Variants in TTLL7 observed in about 807,000 individuals in gnomAD.
TTLL7 encodes tubulin polyglutamylase TTLL7.
TTLL7 carries 53 observed loss-of-function variants against 120.2 expected under a neutral mutation model. That is an observed-to-expected ratio of 0.44 (90% CI 0.35 to 0.55). The LOEUF (loss-of-function observed/expected upper bound fraction) is 0.55. Among genes scored for constraint, TTLL7 ranks in the 20% least tolerant of loss-of-function variants. The pLI is 0.00. For synonymous variants in TTLL7, 353 were observed against 351.7 expected (o/e 1.00, Z -0.04); for missense variants, 803 against 1,054.7 (o/e 0.76, Z 3.31).
chr1:83,971,200 T>C (rs1385167572), intron 1 of TTLL7, among the ~76,000 whole-genome samples: 3 of 152,082 alleles, frequency 2.0e-5, no homozygotes, highest in Non-Finnish European at 4.4e-5. Context: ...CCCTAAATTA[T>C]ATTATTTGTG....
intron 9 of TTLL7, among the ~76,000 whole-genome samples, chr1:83,931,855 C>T (rs1028748135): frequency 6.6e-6 from 1 of 152,174 alleles, no homozygotes; most frequent in Non-Finnish European, 1.5e-5. Flanking sequence ...CCTTATTCCA[C>T]TTGATGGCGC....
intron 18 of TTLL7, among the ~76,000 whole-genome samples, chr1:83,897,875 A>AAAC (rs1447227335): frequency 1.2e-3 from 187 of 151,620 alleles, no homozygotes; most frequent in African/African-American, 4.4e-3. Flanking sequence ...TAAAAAAAAA[A>AAAC]AAAAAAAAAA....
intron 1 of TTLL7, among the ~76,000 whole-genome samples, chr1:83,986,907 G>A (rs1440268423): frequency 1.3e-5 from 2 of 152,098 alleles, no homozygotes; most frequent in Non-Finnish European, 2.9e-5. Context: ...ACATAGTACA[G>A]GAAGTTCCAG....
chr1:83,919,129 A>G (rs577457332), intron 13 of TTLL7, among the ~76,000 whole-genome samples: 119 of 152,120 alleles, frequency 7.8e-4, no homozygotes, highest in South Asian at 1.5e-3. Context: ...GATTCACCCC[A>G]GGAAAGACAA....
intron 19 of TTLL7, among the ~76,000 whole-genome samples, chr1:83,886,081 T>C (rs1654948368): frequency 6.6e-6 from 1 of 152,074 alleles, no homozygotes; most frequent in Non-Finnish European, 1.5e-5. Context: ...GAATACTGAA[T>C]ATCTCTGGCA....
At chr1:83,931,801 T>C (rs1212154518) in intron 9 of TTLL7, among the ~76,000 whole-genome samples, 1 of 152,172 alleles carries the variant, frequency 6.6e-6, no homozygotes, top group Non-Finnish European at 1.5e-5. Context: ...CCTGAAATTA[T>C]TCTGGTTAAC....
At chr1:83,886,495 C>T (rs1353338131) in intron 19 of TTLL7, among the ~76,000 whole-genome samples, 1 of 152,012 alleles carries the variant, frequency 6.6e-6, no homozygotes, top group Non-Finnish European at 1.5e-5. Flanking sequence ...AGATTCACAT[C>T]ATTTTAAGTA....
chr1:83,922,694 CTAGGTT>C (rs1658785367), intron 10 of TTLL7, among the ~76,000 whole-genome samples: 1 of 139,822 alleles, frequency 7.2e-6, no homozygotes, highest in Non-Finnish European at 1.6e-5. Flanking sequence ...GACTTGAATA[CTAGGTT>C]ATTGAGCCTC....
At chr1:83,986,003 C>G (rs913045461) in intron 1 of TTLL7, among the ~76,000 whole-genome samples, 2 of 152,144 alleles carry the variant, frequency 1.3e-5, no homozygotes, top group African/African-American at 4.8e-5. Flanking sequence ...GAATTAACAC[C>G]ATTTTTAAAC....
chr1:83,951,965 G>A lies in TTLL7; in HGVS notation c.37C>T (p.Pro13Ser), dbSNP rs1221488645. 3.1e-6 allele frequency: 5 copies of A among 1,604,312 alleles called. No homozygotes were observed. The highest frequency in any genetic ancestry group is 2.2e-5 in the East Asian group (1 of 44,738). The change falls in exon 3 of 21, where the codon CCC becomes TCC. Residue 13 changes from proline (P) to serine (S), a missense_variant. Coordinates refer to ENST00000260505, the MANE Select transcript of TTLL7 (RefSeq NM_024686.6). ...TCTGTATTCAAATCCAGGGGAGAGG[G>A]TCCCTGAATAACTTTAAAAAAATGT... ...SLPQEGVIQG[P>S]SPLDLNTELP...
At chr1:83,987,264 C>CAA (rs563672323) in intron 1 of TTLL7, among the ~76,000 whole-genome samples, 7 of 146,320 alleles carry the variant, frequency 4.8e-5, no homozygotes, top group Admixed American at 1.4e-4. Context: ...AAAGAAAAAA[C>CAA]AAAAAAAAAT....
chr1:83,915,079 A>C (rs1557628392), intron 14 of TTLL7, among the ~76,000 whole-genome samples: 1 of 152,216 alleles, frequency 6.6e-6, no homozygotes, highest in Non-Finnish European at 1.5e-5. Flanking sequence ...GAAATGAGGG[A>C]AGGTTTCACA....
At chr1:83,910,203 G>GT (rs1657560240) in intron 15 of TTLL7, among the ~76,000 whole-genome samples, 1 of 152,084 alleles carries the variant, frequency 6.6e-6, no homozygotes, top group Admixed American at 6.6e-5. Flanking sequence ...TGCCGTAAGT[G>GT]TTTAAGGCCA....
chr1:83,925,147 T>G (rs1659006478), intron 10 of TTLL7, among the ~76,000 whole-genome samples: 1 of 152,190 alleles, frequency 6.6e-6, no homozygotes, highest in South Asian at 2.1e-4. Flanking sequence ...AAGGGCAATC[T>G]ATATATGAAT....
chr1:83,940,934 C>A (rs938700786), intron 7 of TTLL7, among the ~76,000 whole-genome samples: 5 of 152,114 alleles, frequency 3.3e-5, no homozygotes, highest in Admixed American at 1.3e-4. Context: ...ACAAGGCCTA[C>A]AAAGCCTTAA....
At chr1:83,977,314 G>C (rs1370981286) in intron 1 of TTLL7, among the ~76,000 whole-genome samples, 3 of 152,094 alleles carry the variant, frequency 2.0e-5, no homozygotes, top group Non-Finnish European at 4.4e-5. Context: ...GAATTCCGGA[G>C]ACCATATACA....
intron 7 of TTLL7, among the ~76,000 whole-genome samples, chr1:83,940,635 T>C (rs1198014824): frequency 6.6e-6 from 1 of 152,170 alleles, no homozygotes; most frequent in Non-Finnish European, 1.5e-5. Context: ...ATTATATCAA[T>C]GTTAACCATG....
chr1:83,952,433 AT>A (rs777289769), intron 1 of TTLL7, 46 bp from the exon 2 acceptor site: 62 of 429,354 alleles, frequency 1.4e-4, no homozygotes, highest in East Asian at 1.4e-3. Context: ...ACTTTTTTGA[AT>A]TTTTTTTCAT....
intron 14 of TTLL7, among the ~76,000 whole-genome samples, chr1:83,914,431 A>C (rs1389765322): frequency 7.0e-6 from 1 of 143,880 alleles, no homozygotes; most frequent in Non-Finnish European, 1.5e-5. Context: ...TCCCACGTTC[A>C]AGCAATTCTC....
Sources: gnomAD v4.1 joint callset for allele counts (sites outside exome capture counted in the v4.1 genomes callset) on GRCh38, gnomAD v4.1.1 for gene constraint, MANE v1.5 for transcripts, NCBI Gene and HGNC (gene_info 2026-07-23, HGNC 2026-07-21) for gene names.